PTPRU: variants seen among roughly 807,000 people sequenced by gnomAD.
PTPRU encodes receptor-type tyrosine-protein phosphatase U.
In PTPRU, 69 loss-of-function variants were observed where a neutral mutation model predicts 166.3. That is an observed-to-expected ratio of 0.41 (90% CI 0.34 to 0.51). PTPRU has a LOEUF of 0.51. Ranked by LOEUF, PTPRU falls within the 20% of genes least tolerant of loss-of-function variation. The pLI, the probability that PTPRU is intolerant of heterozygous loss-of-function variation, is 0.09. For synonymous variants in PTPRU, 793 were observed against 814.0 expected, an observed-to-expected ratio of 0.97 and a Z score of 0.44; for missense variants, 1,657 against 2,013.7, an observed-to-expected ratio of 0.82 and a Z score of 3.39.
At chr1:29,289,432 A>C (rs1686515259) in intron 14 of PTPRU, among the ~76,000 whole-genome samples, 1 of 152,042 alleles carries the variant, frequency 6.6e-6, no homozygotes, top group Non-Finnish European at 1.5e-5. Flanking sequence ...GCGGCCCCCT[A>C]GGTCCTTTTC....
At chr1:29,278,434 A>G (rs1436526994) in intron 8 of PTPRU, among the ~76,000 whole-genome samples, 1 of 152,276 alleles carries the variant, frequency 6.6e-6, no homozygotes, top group African/African-American at 2.4e-5. Flanking sequence ...TTTACACAAG[A>G]AAAACAAAAC....
At chr1:29,282,573 C>A in intron 11 of PTPRU, 103 bp from the exon 12 acceptor site, 1 of 1,434,452 alleles carries the variant, frequency 7.0e-7, no homozygotes, top group Non-Finnish European at 9.3e-7. Flanking sequence ...GGAAGTTAGT[C>A]CCCAGGAGGG....
intron 1 of PTPRU, among the ~76,000 whole-genome samples, chr1:29,243,610 C>T (rs1337666365): frequency 6.6e-6 from 1 of 152,250 alleles, no homozygotes; most frequent in Non-Finnish European, 1.5e-5. Context: ...GCCTTCCCAG[C>T]CCTCTCCCGG....
chr1:29,253,314 A>G (rs2131556), intron 1 of PTPRU, among the ~76,000 whole-genome samples: 115,854 of 152,016 alleles, frequency 0.76, 44,420 homozygotes, highest in African/African-American at 0.78. Flanking sequence ...TGCACATAAA[A>G]CACCTGATCT....
At chr1:29,310,652 G>A (rs1687611509) in intron 18 of PTPRU, 92 bp from the exon 19 acceptor site, 1 of 1,356,498 alleles carries the variant, frequency 7.4e-7, no homozygotes, top group South Asian at 1.2e-5. Flanking sequence ...GTGGGGTAGG[G>A]GTTCTGCTGC....
Position 29,279,032 on chromosome 1 carries a change from G to A in PTPRU, c.1474G>A (p.Glu492Lys), listed in dbSNP as rs756633219. Residue 492 changes from glutamate (E) to lysine (K), a missense_variant, in exon 9 of 30, where the codon GAG becomes AAG. Physicochemically the swap from Glu to Lys is moderately conservative, Grantham distance 56. Around this residue, in one of 3 missense-constraint regions of PTPRU, gnomAD observed 1,190 missense variants for 1,477.4 expected, o/e 0.81. Coordinates refer to ENST00000373779, the MANE Select transcript of PTPRU (RefSeq NM_133178.4). This position sits in a 1 kb window ranked among gnomAD's most constrained non-coding sequence, Gnocchi z 5.2. ...DEDVPSGIAAESLTFTPLEDM... is the reference protein window; with the variant it reads ...DEDVPSGIAAKSLTFTPLEDM... ...TGCAGTGCCCAGTGGGATTGCAGCC[G>A]AGTCCCTGACCTTCACTCCACTGGA... 22 of 1,589,350 alleles carry A rather than the reference G, an allele frequency of 1.4e-5. No homozygotes were observed. The highest frequency in any genetic ancestry group is 7.1e-5 in the Admixed American group (4 of 56,712).
rs1688110115 is a variant in PTPRU at position 29,320,604 on chromosome 1, C to T, written c.3688-81C>T. 2.3e-5 allele frequency: 33 copies of T among 1,433,702 alleles called. No individual in the cohort carries two copies. The highest frequency in any genetic ancestry group is 1.5e-4 in the South Asian group (10 of 67,028). The allele number at this position is 1,433,702 out of a possible 1,614,324, so 88.8% of individuals were successfully genotyped here. Reference sequence around the variant, plus strand: ...ACCGTCCAACTCAGGGTGGGCAGTGCGGGAAGACAGCCTGGGGCAGAGGCT... The same window carrying T: ...ACCGTCCAACTCAGGGTGGGCAGTGTGGGAAGACAGCCTGGGGCAGAGGCT... On this transcript the variant is annotated intron_variant, in intron 25 of 29. Coordinates refer to ENST00000373779, the MANE Select transcript of PTPRU (RefSeq NM_133178.4). The surrounding 1 kb of genome is among the most constrained non-coding windows in gnomAD (Gnocchi z 5.2).
intron 7 of PTPRU, among the ~76,000 whole-genome samples, chr1:29,269,219 C>CATATATATATAT (rs1239721913): frequency 2.4e-4 from 10 of 42,406 alleles, no homozygotes; most frequent in African/African-American, 5.7e-4. Flanking sequence ...AATTTATATA[C>CATATATATATAT]ATATATATAT....
At chr1:29,283,850 C>T in intron 12 of PTPRU, 90 bp from the exon 13 acceptor site, 2 of 1,479,834 alleles carry the variant, frequency 1.4e-6, no homozygotes, top group East Asian at 4.5e-5. Context: ...AAGCCCTGAA[C>T]AGGCCCAAGA....
chr1:29,247,153 A>C (rs964333017), intron 1 of PTPRU, among the ~76,000 whole-genome samples: 1 of 152,238 alleles, frequency 6.6e-6, no homozygotes, highest in Non-Finnish European at 1.5e-5. Flanking sequence ...AGAATGCATG[A>C]AGCTTGAACT....
At chr1:29,250,741 C>T (rs1684510652) in intron 1 of PTPRU, among the ~76,000 whole-genome samples, 1 of 152,202 alleles carries the variant, frequency 6.6e-6, no homozygotes, top group African/African-American at 2.4e-5. Flanking sequence ...GGAGTTGAGT[C>T]TCTAGCAGAG....
chr1:29,239,306 C>A lies in PTPRU; in HGVS notation c.73+2589C>A, dbSNP rs116486502. Among the ~76,000 whole-genome samples, 602 of 152,298 alleles carry A rather than the reference C, an allele frequency of 4.0e-3. 1 individual carries two copies. The highest frequency in any genetic ancestry group is 9.2e-3 in the African/African-American group (381 of 41,552). On this transcript the variant is annotated intron_variant, in intron 1 of 29. Transcript: ENST00000373779. Reference sequence around the variant, plus strand: ...TGTGATGCCTTCTCAGCCTTGCAAACCTGGTAGTTATTTATTCTGCTGTGT... The same window carrying A: ...TGTGATGCCTTCTCAGCCTTGCAAAACTGGTAGTTATTTATTCTGCTGTGT...
At chr1:29,287,784 G>A (rs1295969528) in intron 14 of PTPRU, among the ~76,000 whole-genome samples, 3 of 149,654 alleles carry the variant, frequency 2.0e-5, no homozygotes, top group Non-Finnish European at 4.4e-5. Context: ...TTTTAGTAGA[G>A]ACGGGGTTTC....
chr1:29,288,684 T>A (rs1409274503), intron 14 of PTPRU, among the ~76,000 whole-genome samples: 1 of 151,964 alleles, frequency 6.6e-6, no homozygotes, highest in Non-Finnish European at 1.5e-5. Context: ...TTCTTTGGGG[T>A]CCCTGCTGAC....
Position 29,258,493 on chromosome 1 carries a change from C to T in PTPRU, c.206-12C>T, listed in dbSNP as rs779573413. The T allele has an allele frequency of 1.2e-6, 2 of 1,610,952 alleles. No individual in the cohort carries two copies. Among genetic ancestry groups the T allele is most frequent in the Non-Finnish European group, 1.7e-6 (2 of 1,178,274 alleles). ...TCTCCTCATCTCCTGCCTCTTCCTCCTCTCTTTCCAGGCTCCTACTTGATG... is the reference window on the plus strand; with the variant it reads ...TCTCCTCATCTCCTGCCTCTTCCTCTTCTCTTTCCAGGCTCCTACTTGATG... On this transcript the variant is annotated splice_polypyrimidine_tract_variant and intron_variant, in intron 2 of 29. Coordinates refer to ENST00000373779, the MANE Select transcript of PTPRU (RefSeq NM_133178.4).
In PTPRU at chr1:29,279,245, C is replaced by A; in HGVS notation, c.1563+124C>A. 1.9e-6 allele frequency: 2 copies of A among 1,050,548 alleles called. No individual in the cohort carries two copies. Among genetic ancestry groups the A allele is most frequent in the Non-Finnish European group, 2.8e-6 (2 of 711,760 alleles). 65.1% of individuals were successfully genotyped at this position (1,050,548 alleles called of 1,614,324 possible). On this transcript the variant is annotated intron_variant, in intron 9 of 29. Transcript: ENST00000373779. This position sits in a 1 kb window ranked among gnomAD's most constrained non-coding sequence, Gnocchi z 5.2. ...GATGTGATTGTCATAGTTTCTTCAA[C>A]TATGGCCAGGTCTGTGCCCTGTGTA... is the stretch of plus-strand genomic sequence containing the variant.
At chr1:29,306,263 G>A (rs1687385981) in intron 18 of PTPRU, among the ~76,000 whole-genome samples, 1 of 152,238 alleles carries the variant, frequency 6.6e-6, no homozygotes, top group Non-Finnish European at 1.5e-5. Context: ...CTTCCTAGGT[G>A]TGGAAGAGGG....
In PTPRU at chr1:29,291,831, A is replaced by T. The variant is rs1210138710; in HGVS notation, c.2319-38A>T. The T allele has an allele frequency of 1.2e-6, 2 of 1,608,366 alleles. No homozygotes were observed. Among genetic ancestry groups the T allele is most frequent in the Admixed American group, 3.4e-5 (2 of 59,318 alleles). On this transcript the variant is annotated intron_variant, in intron 14 of 29. Transcript: ENST00000373779. This position sits in a 1 kb window ranked among gnomAD's most constrained non-coding sequence, Gnocchi z 4.1. ...CCACCTCTGGGTGCTGTCCAGCCCC[A>T]CACAATGCCTGTGTCTCCCCTCAAC...
In PTPRU at chr1:29,260,237, G is replaced by A. The variant is rs960941919; in HGVS notation, c.850+193G>A. 4 of 656,302 alleles carry A rather than the reference G, an allele frequency of 6.1e-6. No individual in the cohort carries two copies. Among genetic ancestry groups the A allele is most frequent in the African/African-American group, 5.8e-5 (3 of 52,054 alleles). The allele number at this position is 656,302 out of a possible 1,614,324, so 40.7% of individuals were successfully genotyped here. ...GATGAGATCTGATCTAGGGGTCGGGGCTGGCTTCGAGGGGGACGGACAGGG... is the reference window on the plus strand; with the variant it reads ...GATGAGATCTGATCTAGGGGTCGGGACTGGCTTCGAGGGGGACGGACAGGG... On this transcript the variant is annotated intron_variant, in intron 6 of 29. Transcript: ENST00000373779. This position sits in a 1 kb window ranked among gnomAD's most constrained non-coding sequence, Gnocchi z 8.3.
Sources: allele counts gnomAD v4.1 joint callset (sites outside exome capture counted in the v4.1 genomes callset), GRCh38; gene constraint gnomAD v4.1.1; regional missense constraint gnomAD v4.1.1; non-coding constraint Gnocchi (gnomAD v3.1); transcripts MANE v1.5; gene names NCBI Gene and HGNC (gene_info 2026-07-23, HGNC 2026-07-21).